The following SLC16A12 variants were observed in gnomAD, a reference collection of about 807,000 sequenced individuals.
SLC16A12 encodes solute carrier family 16 member 12.
Under a neutral mutation model 42.4 loss-of-function variants are expected in SLC16A12, and 17 were observed. That is an observed-to-expected ratio of 0.40 (90% confidence interval 0.27 to 0.60). The LOEUF is 0.60. Among genes scored for constraint, SLC16A12 ranks in the 20% least tolerant of loss-of-function variants. The pLI is 0.42. For missense variants in SLC16A12, 544 were observed against 623.0 expected (o/e 0.87, Z 1.35); for synonymous variants, 224 against 229.4 (o/e 0.98, Z 0.21).
intron 3 of SLC16A12, among the ~76,000 whole-genome samples, chr10:89,460,737 A>C: frequency 8.0e-6 from 1 of 124,642 alleles, no homozygotes; most frequent in African/African-American, 3.3e-5. Context: ...AGAGGGAGAC[A>C]CTGTCTCAAA....
intron 2 of SLC16A12, among the ~76,000 whole-genome samples, chr10:89,477,535 G>T (rs988618708): frequency 7.6e-6 from 1 of 132,100 alleles, no homozygotes; most frequent in Non-Finnish European, 1.5e-5. Flanking sequence ...TTGCACTTGA[G>T]CCTGGGCAAC....
chr10:89,461,011 T>C (rs1251870337), intron 3 of SLC16A12, among the ~76,000 whole-genome samples: 2 of 152,218 alleles, frequency 1.3e-5, no homozygotes, highest in East Asian at 3.8e-4. Context: ...GATGCCTGTA[T>C]TGATGATGCC....
intron 3 of SLC16A12, among the ~76,000 whole-genome samples, chr10:89,456,959 T>C (rs939794798): frequency 2.6e-5 from 4 of 152,216 alleles, no homozygotes; most frequent in Admixed American, 2.6e-4. Context: ...CTATCACTGA[T>C]GGGCATTTGG....
Position 89,479,963 on chromosome 10 carries a change from G to A in SLC16A12, c.-46-17339C>T, listed in dbSNP as rs181635557. Among the ~76,000 whole-genome samples, 5 of 152,286 alleles carry A rather than the reference G, an allele frequency of 3.3e-5. No individual in the cohort carries two copies. The East Asian group carries it at 9.6e-4, about 29-fold the overall frequency. On this transcript the variant is annotated intron_variant, in intron 2 of 7. Coordinates refer to ENST00000371790, the MANE Select transcript of SLC16A12 (RefSeq NM_213606.4). ...GCATTTACATGTCTCCTGAGGCTGG[G>A]TGTGAAAAATGTTCTGAAAGATAAT...
At chr10:89,537,143 A>G (rs1444257883), upstream of SLC16A12, among the ~76,000 whole-genome samples, 2 of 98,202 alleles carry the variant, frequency 2.0e-5, no homozygotes, top group Non-Finnish European at 4.1e-5. Context: ...CACCGTAGGT[A>G]TGTTTTTTTT....
At chr10:89,489,843 T>A (rs1165501268) in intron 2 of SLC16A12, among the ~76,000 whole-genome samples, 2 of 152,104 alleles carry the variant, frequency 1.3e-5, no homozygotes, top group Non-Finnish European at 2.9e-5. Context: ...TGAAAAAAGG[T>A]ATAAAAATTA....
chr10:89,454,199 G>A (rs1317331508), intron 3 of SLC16A12, among the ~76,000 whole-genome samples: 1 of 151,954 alleles, frequency 6.6e-6, no homozygotes, highest in Non-Finnish European at 1.5e-5. Context: ...CTAGAGACAA[G>A]GTCTTCCTAT....
At chr10:89,446,187 G>C (rs1388960562) in intron 3 of SLC16A12, among the ~76,000 whole-genome samples, 1 of 152,126 alleles carries the variant, frequency 6.6e-6, no homozygotes, top group African/African-American at 2.4e-5. Context: ...CACTCTTCAG[G>C]ATATTATCCA....
intron 2 of SLC16A12, among the ~76,000 whole-genome samples, chr10:89,504,446 A>G (rs1843030585): frequency 6.6e-6 from 1 of 152,214 alleles, no homozygotes; most frequent in South Asian, 2.1e-4. Flanking sequence ...TAAGTGAAAG[A>G]AAAAATATAT....
chr10:89,489,832 A>T (rs1842820719), intron 2 of SLC16A12, among the ~76,000 whole-genome samples: 1 of 152,188 alleles, frequency 6.6e-6, no homozygotes, highest in Non-Finnish European at 1.5e-5. Context: ...TTCAAATATG[A>T]TGAAAAAAGG....
In SLC16A12 at chr10:89,430,497, T is replaced by C. The variant is rs571395470; in HGVS notation, c.*2567A>G. 1 of 405,730 alleles carries C rather than the reference T, an allele frequency of 2.5e-6. No individual in the cohort carries two copies. Among genetic ancestry groups the C allele is most frequent in the East Asian group, 8.3e-5 (1 of 12,108 alleles). The allele number at this position is 405,730 out of a possible 1,614,324, so 25.1% of individuals were successfully genotyped here. A position where few individuals can be genotyped will look rare whatever the true frequency, so the allele number is the denominator to read the frequency against. Reference sequence around the variant, plus strand: ...CAGTAGTAGAAAGAAATATTTAAGATGTAAAATTATCCCACTATAATTTTG... The same window carrying C: ...CAGTAGTAGAAAGAAATATTTAAGACGTAAAATTATCCCACTATAATTTTG... On this transcript the variant is annotated 3_prime_UTR_variant, in exon 8 of 8. Transcript: ENST00000371790.
intron 3 of SLC16A12, among the ~76,000 whole-genome samples, chr10:89,445,418 A>G (rs1463612744): frequency 3.3e-5 from 5 of 152,232 alleles, no homozygotes; most frequent in African/African-American, 1.2e-4. Context: ...CTGTTCTGCA[A>G]TATTTGCTGT....
intron 2 of SLC16A12, among the ~76,000 whole-genome samples, chr10:89,549,002 C>A (rs758417369): frequency 1.3e-5 from 2 of 152,172 alleles, no homozygotes; most frequent in Non-Finnish European, 2.9e-5. Flanking sequence ...GCAGCTTTTG[C>A]AAATCATTGA....
intron 2 of SLC16A12, among the ~76,000 whole-genome samples, chr10:89,490,212 A>C (rs1842826452): frequency 1.3e-5 from 2 of 152,244 alleles, no homozygotes. Flanking sequence ...CTGGACTTGC[A>C]ATCAAATCTC....
upstream of SLC16A12, among the ~76,000 whole-genome samples, chr10:89,536,144 A>AC (rs753767771): frequency 1.0e-3 from 157 of 152,236 alleles, 2 homozygotes; most frequent in Admixed American, 2.0e-3. Context: ...ATGACCCCTG[A>AC]CCTCGGCAAG....
At chr10:89,442,744 C>T (rs1841933243) in intron 4 of SLC16A12, among the ~76,000 whole-genome samples, 1 of 152,168 alleles carries the variant, frequency 6.6e-6, no homozygotes, top group African/African-American at 2.4e-5. Context: ...CCCAACCAAA[C>T]AAATATTATA....
chr10:89,453,958 G>A (rs954846605), intron 3 of SLC16A12, among the ~76,000 whole-genome samples: 6 of 149,218 alleles, frequency 4.0e-5, no homozygotes, highest in Admixed American at 6.6e-5. Context: ...CAATTGCCAA[G>A]TTCTACTTAT....
Position 89,438,818 on chromosome 10 carries a change from G to A in SLC16A12, c.814C>T (p.Gln272Ter), listed in dbSNP as rs1237337888. ...ATGAGTAAAAAACTGTACTCTTGCT[G>A]CAAACAGCAACAGAGGCAAGTCTGT... is the stretch of plus-strand genomic sequence containing the variant. ...WAQTCLCCCL[Q>*]QEYSFLLMSD... Residue 272 changes from glutamine to a stop codon, truncating the protein, a stop_gained, in exon 6 of 8, where the codon CAG becomes TAG. Transcript: ENST00000371790. LOFTEE classifies it high-confidence loss of function. The A allele has an allele frequency of 6.2e-7, 1 of 1,614,080 alleles. No homozygotes were observed. The highest frequency in any genetic ancestry group is 8.5e-7 in the Non-Finnish European group (1 of 1,180,054).
At chr10:89,551,131 G>C (rs1843768052) in intron 2 of SLC16A12, among the ~76,000 whole-genome samples, 1 of 152,136 alleles carries the variant, frequency 6.6e-6, no homozygotes, top group South Asian at 2.1e-4. Flanking sequence ...AGTTATACTG[G>C]TGACCGGTGA....
Sources: gnomAD v4.1 joint callset for allele counts (sites outside exome capture counted in the v4.1 genomes callset) on GRCh38, gnomAD v4.1.1 for gene constraint, MANE v1.5 for transcripts, NCBI Gene and HGNC (gene_info 2026-07-23, HGNC 2026-07-21) for gene names.